Variants in PLSCR2 observed in about 807,000 individuals in gnomAD.
PLSCR2 encodes PL scramblase 2.
In PLSCR2, 18 loss-of-function variants were observed where a neutral mutation model predicts 25.3. The ratio of observed to expected loss-of-function variants is 0.71; its 90% CI spans 0.49 to 1.06. The LOEUF (loss-of-function observed/expected upper bound fraction) is 1.06. Among genes scored for constraint, PLSCR2 ranks in the 50% least tolerant of loss-of-function variants. The probability of loss-of-function intolerance (pLI) is 0.00; values close to 1 mark genes in which losing one functional copy is unlikely to be tolerated. For synonymous variants in PLSCR2, 88 were observed against 87.3 expected, an observed-to-expected ratio of 1.01 and a Z score of -0.04; for missense variants, 243 against 269.5, an observed-to-expected ratio of 0.90 and a Z score of 0.69.
chr3:146,490,499 C>G (rs2043508990), intron 1 of PLSCR2, among the ~76,000 whole-genome samples: 1 of 152,122 alleles, frequency 6.6e-6, no homozygotes. Context: ...ATCTAAGTCT[C>G]TTTGCAGAAC....
chr3:146,495,857 A>C, intron 1 of PLSCR2: 1 of 1,495,382 alleles, frequency 6.7e-7, no homozygotes, highest in Non-Finnish European at 9.0e-7. Flanking sequence ...CAACATTTGA[A>C]GCACGTTAGT....
chr3:146,424,309 A>G (rs2039261621), intron 2 of PLSCR2, among the ~76,000 whole-genome samples: 1 of 151,960 alleles, frequency 6.6e-6, no homozygotes, highest in Non-Finnish European at 1.5e-5. Context: ...ACCCTTTGGG[A>G]TCAGGGCCCC....
At chr3:146,486,428 C>A (rs1287145932) in intron 1 of PLSCR2, among the ~76,000 whole-genome samples, 3 of 146,094 alleles carry the variant, frequency 2.1e-5, no homozygotes, top group South Asian at 2.1e-4. Flanking sequence ...GCTAGCTAGA[C>A]TAATAAAGAA....
intron 6 of PLSCR2, among the ~76,000 whole-genome samples, chr3:146,446,045 T>A (rs2040538307): frequency 6.6e-6 from 1 of 152,136 alleles, no homozygotes; most frequent in African/African-American, 2.4e-5. Context: ...GATTCTGAAT[T>A]CCCCCTCTGT....
intron 1 of PLSCR2, among the ~76,000 whole-genome samples, chr3:146,485,909 A>G (rs1421521023): frequency 1.3e-5 from 2 of 152,074 alleles, no homozygotes; most frequent in African/African-American, 2.4e-5. Context: ...TCCCATTTTT[A>G]AAACCATCAG....
At chr3:146,465,726 T>A (rs2041833504) in intron 1 of PLSCR2, among the ~76,000 whole-genome samples, 1 of 152,140 alleles carries the variant, frequency 6.6e-6, no homozygotes, top group Non-Finnish European at 1.5e-5. Context: ...TAAGTAAGAA[T>A]GAGACATTAT....
At chr3:146,452,145 C>A (rs1213076703) in intron 5 of PLSCR2, among the ~76,000 whole-genome samples, 1 of 152,048 alleles carries the variant, frequency 6.6e-6, no homozygotes, top group East Asian at 1.9e-4. Flanking sequence ...GTGGTGTCTG[C>A]ATTATCTACA....
At chr3:146,423,283 C>CTCTCTCCG (rs2039223901) in intron 2 of PLSCR2, among the ~76,000 whole-genome samples, 1 of 75,474 alleles carries the variant, frequency 1.3e-5, no homozygotes, top group Non-Finnish European at 3.0e-5. Context: ...CTCTCTCTCT[C>CTCTCTCCG]CCTGGCTAGA....
chr3:146,393,512 T>C (rs1315620197), intron 3 of PLSCR2, among the ~76,000 whole-genome samples: 1 of 151,846 alleles, frequency 6.6e-6, no homozygotes. Context: ...GTTGTCTAAT[T>C]GTTTGATAAA....
At chr3:146,461,884 C>G, upstream of PLSCR2, 4 of 1,457,488 alleles carry the variant, frequency 2.7e-6, no homozygotes, top group Non-Finnish European at 3.7e-6. Context: ...ATATATCTTG[C>G]GAAGTTTTCA....
exon 6 of PLSCR2, chr3:146,449,318 C>A (rs762381790): frequency 6.2e-7 from 1 of 1,609,220 alleles, no homozygotes. Flanking sequence ...AAACCCAGAC[C>A]AGTGCTTAGA....
intron 1 of PLSCR2, among the ~76,000 whole-genome samples, chr3:146,490,291 T>G (rs2043499484): frequency 6.6e-6 from 1 of 152,124 alleles, no homozygotes; most frequent in African/African-American, 2.4e-5. Context: ...CCATTAGCTC[T>G]CAAGGCCTGA....
intron 3 of PLSCR2, among the ~76,000 whole-genome samples, chr3:146,394,428 G>C (rs966895977): frequency 6.6e-6 from 1 of 151,714 alleles, no homozygotes; most frequent in Non-Finnish European, 1.5e-5. Flanking sequence ...TCACCTGCTC[G>C]GCTGATTTTG....
chr3:146,413,309 G>T lies in PLSCR2; in HGVS notation c.101-17388C>A, dbSNP rs1419227306. Among the ~76,000 whole-genome samples, 4 of 152,108 alleles carry T rather than the reference G, an allele frequency of 2.6e-5. No individual in the cohort carries two copies. The East Asian group carries it at 7.8e-4, about 30-fold the overall frequency. ...TAATCTCCTTAGTAAACCACTGCTT[G>T]GCTACACTTTTGGTTTGTTCTCCTA... On this transcript the variant is annotated intron_variant and NMD_transcript_variant, in intron 2 of 3. Coordinates refer to the PLSCR2 transcript ENST00000463633.
chr3:146,438,588 GA>G (rs2040033494), downstream of PLSCR2, among the ~76,000 whole-genome samples: 1 of 152,042 alleles, frequency 6.6e-6, no homozygotes, highest in South Asian at 2.1e-4. Context: ...CAGAGTCTAG[GA>G]TTGCAAACCC....
chr3:146,481,018 C>T (rs967449503), intron 1 of PLSCR2, among the ~76,000 whole-genome samples: 2 of 151,870 alleles, frequency 1.3e-5, no homozygotes, highest in Non-Finnish European at 2.9e-5. Context: ...AAAAGGCCTT[C>T]AAAAAATTCA....
intron 1 of PLSCR2, among the ~76,000 whole-genome samples, chr3:146,484,139 T>G (rs2043257478): frequency 6.6e-6 from 1 of 151,566 alleles, no homozygotes; most frequent in African/African-American, 2.4e-5. Context: ...AACTTTGTGA[T>G]GCAAACACAA....
chr3:146,401,218 A>G (rs1486837654), intron 2 of PLSCR2: 1 of 152,074 alleles, frequency 6.6e-6, no homozygotes. Flanking sequence ...CTCACCCTAT[A>G]CTTATGTGGT....
chr3:146,391,950 A>G (rs1300212772), intron 3 of PLSCR2, among the ~76,000 whole-genome samples: 1 of 152,060 alleles, frequency 6.6e-6, no homozygotes, highest in Non-Finnish European at 1.5e-5. Flanking sequence ...GGTACAAATT[A>G]CTCCAAGACA....
Sources: gnomAD v4.1 joint callset for allele counts (sites outside exome capture counted in the v4.1 genomes callset) on GRCh38, gnomAD v4.1.1 for gene constraint, MANE v1.5 for transcripts, NCBI Gene and HGNC (gene_info 2026-07-23, HGNC 2026-07-21) for gene names.